The following SEPTIN9 variants were observed in gnomAD, a reference collection of about 807,000 sequenced individuals.
SEPTIN9 encodes the protein septin-9.
A neutral mutation model predicts 56.6 loss-of-function variants in SEPTIN9; 13 were observed. The ratio of observed to expected loss-of-function variants is 0.23; its 90% CI spans 0.15 to 0.37. The LOEUF is 0.37. Among genes scored for constraint, SEPTIN9 ranks in the 10% least tolerant of loss-of-function variants. The pLI is 1.00. For synonymous variants in SEPTIN9, 332 were observed against 334.1 expected, an observed-to-expected ratio of 0.99 and a Z score of 0.07; for missense variants, 650 against 823.1, an observed-to-expected ratio of 0.79 and a Z score of 2.57.
At position 77,307,147 on chromosome 17, in the gene SEPTIN9, C is replaced by T. The variant is rs754713968; in HGVS notation, c.26C>T (p.Thr9Met). 2.3e-5 allele frequency: 37 copies of T among 1,613,802 alleles called. No individual in the cohort carries two copies. The highest frequency in any genetic ancestry group is 2.4e-5 in the Non-Finnish European group (28 of 1,179,850). The part of the protein sequence containing the change: MKKSYSGG[T>M]RTSSGRLRRL... ...CCTTTGTCTCTGTCTTTAGGAGGCACGCGGACCTCCAGTGGCCGGCTCCGG... is the reference window on the plus strand; with the variant it reads ...CCTTTGTCTCTGTCTTTAGGAGGCATGCGGACCTCCAGTGGCCGGCTCCGG... Residue 9 changes from threonine to methionine, a missense_variant, in exon 2 of 12, where the codon ACG (threonine) becomes ATG (methionine). By Grantham distance (81) the Thr-to-Met change is moderately conservative (BLOSUM62 -1). Coordinates refer to ENST00000427177, the MANE Select transcript of SEPTIN9 (RefSeq NM_001113491.2).
chr17:77,312,356 G>A (rs540491377), intron 2 of SEPTIN9, among the ~76,000 whole-genome samples: 2 of 152,242 alleles, frequency 1.3e-5, no homozygotes, highest in East Asian at 1.9e-4. Flanking sequence ...TCGTGCTGCC[G>A]CCCAGCCTGG....
At chr17:77,467,441 G>A (rs1454431256) in intron 3 of SEPTIN9, among the ~76,000 whole-genome samples, 1 of 152,188 alleles carries the variant, frequency 6.6e-6, no homozygotes, top group Non-Finnish European at 1.5e-5. Flanking sequence ...CCCAGCACTG[G>A]GGTTGGGGAG....
intron 3 of SEPTIN9, among the ~76,000 whole-genome samples, chr17:77,467,255 GC>G (rs971360553): frequency 6.6e-6 from 1 of 152,200 alleles, no homozygotes; most frequent in African/African-American, 2.4e-5. Flanking sequence ...CCTCTAAGGG[GC>G]CCCCCTGCCT....
chr17:77,333,637 G>A (rs953631997), intron 2 of SEPTIN9, among the ~76,000 whole-genome samples: 1 of 152,124 alleles, frequency 6.6e-6, no homozygotes, highest in African/African-American at 2.4e-5. Context: ...TGTGTTCTTT[G>A]TAAGAAACCT....
At chr17:77,352,361 C>T (rs1045804934) in intron 2 of SEPTIN9, among the ~76,000 whole-genome samples, 48 of 152,020 alleles carry the variant, frequency 3.2e-4, no homozygotes, top group African/African-American at 1.1e-3. Context: ...GAGCCGAGAT[C>T]GCGCCATTGC....
chr17:77,493,289 C>T (rs376069510), intron 10 of SEPTIN9: 24 of 570,970 alleles, frequency 4.2e-5, no homozygotes, highest in African/African-American at 3.4e-4. Context: ...CAGACCTCCC[C>T]CCGGGCAGGG....
At position 77,482,412 on chromosome 17, in the gene SEPTIN9, G is replaced by A. The variant is rs772722286; in HGVS notation, c.913+77G>A. On this transcript the variant is annotated intron_variant, in intron 4 of 11. Transcript: ENST00000427177. ...CCCCCAGGGCGGCCCACAAGCCTTT[G>A]GGCTTGGTCTTCCCTTCTGTAAAAT... The A allele has an allele frequency of 4.9e-6, 7 of 1,440,482 alleles. No individual in the cohort carries two copies. In the African/African-American group the frequency reaches 9.8e-5, roughly 20 times the overall value. 89.2% of individuals were successfully genotyped at this position (1,440,482 alleles called of 1,614,324 possible).
chr17:77,482,797 C>A, intron 4 of SEPTIN9: 1 of 548,296 alleles, frequency 1.8e-6, no homozygotes, highest in Non-Finnish European at 3.3e-6. Context: ...TTCCACACCC[C>A]CTGGTGGCCC....
intron 2 of SEPTIN9, among the ~76,000 whole-genome samples, chr17:77,356,313 G>GT (rs1226774990): frequency 6.6e-6 from 1 of 152,116 alleles, no homozygotes; most frequent in Non-Finnish European, 1.5e-5. Flanking sequence ...GGGAGACCCG[G>GT]TGGGGACTCC....
chr17:77,429,746 G>C lies in SEPTIN9; in HGVS notation c.721+27043G>C, dbSNP rs544786290. ...TTTTCAAGTGAGCATCCTGAGCTGCGGGGACCCAGGGGGTCTTAGAGACCT... is the reference window on the plus strand; with the variant it reads ...TTTTCAAGTGAGCATCCTGAGCTGCCGGGACCCAGGGGGTCTTAGAGACCT... On this transcript the variant is annotated intron_variant, in intron 3 of 11. Coordinates refer to ENST00000427177, the MANE Select transcript of SEPTIN9 (RefSeq NM_001113491.2). The surrounding 1 kb of genome is among the most constrained non-coding windows in gnomAD (Gnocchi z 5.2). 5.3e-4 allele frequency among the ~76,000 whole-genome samples: 81 copies of C among 152,216 alleles called. No homozygotes were observed. The highest frequency in any genetic ancestry group is 4.2e-3 in the Admixed American group (64 of 15,290).
chr17:77,317,976 A>G lies in SEPTIN9; in HGVS notation c.76+10779A>G, dbSNP rs2032768730. On this transcript the variant is annotated intron_variant, in intron 2 of 11. Coordinates refer to ENST00000427177, the MANE Select transcript of SEPTIN9 (RefSeq NM_001113491.2). This position sits in a 1 kb window ranked among gnomAD's most constrained non-coding sequence, Gnocchi z 4.2. ...TGAGGCAGAAGAATTGCTTGAACCCAGGTGGCGGAGGTTGCAGTGAACTGA... is the reference window on the plus strand; with the variant it reads ...TGAGGCAGAAGAATTGCTTGAACCCGGGTGGCGGAGGTTGCAGTGAACTGA... Among the ~76,000 whole-genome samples, 1 of 152,134 alleles carries G rather than the reference A, an allele frequency of 6.6e-6. No homozygotes were observed. The highest frequency in any genetic ancestry group is 1.5e-5 in the Non-Finnish European group (1 of 68,026).
intron 2 of SEPTIN9, among the ~76,000 whole-genome samples, chr17:77,373,028 C>G (rs1568020223): frequency 1.3e-5 from 2 of 151,822 alleles, no homozygotes; most frequent in Non-Finnish European, 2.9e-5. Context: ...CGCCATGGCC[C>G]GGCCTCCACA....
chr17:77,341,999 C>T (rs1177321422), intron 2 of SEPTIN9, among the ~76,000 whole-genome samples: 3 of 150,240 alleles, frequency 2.0e-5, no homozygotes, highest in African/African-American at 7.4e-5. Flanking sequence ...AGGAGAATGG[C>T]GTGAACCCGG....
At chr17:77,466,766 G>A (rs2038753495) in intron 3 of SEPTIN9, among the ~76,000 whole-genome samples, 1 of 152,208 alleles carries the variant, frequency 6.6e-6, no homozygotes, top group South Asian at 2.1e-4. Flanking sequence ...GATTTCAGAA[G>A]GCACAACTGA....
chr17:77,414,071 A>AATTT (rs1295854500), intron 3 of SEPTIN9, among the ~76,000 whole-genome samples: 3 of 149,878 alleles, frequency 2.0e-5, no homozygotes, highest in Non-Finnish European at 4.4e-5. Flanking sequence ...ACAATCCACC[A>AATTT]ATTTATTTAT....
intron 1 of SEPTIN9, among the ~76,000 whole-genome samples, chr17:77,283,140 C>G (rs1370330821): frequency 6.6e-6 from 1 of 151,148 alleles, no homozygotes; most frequent in Non-Finnish European, 1.5e-5. Context: ...CACACACCTA[C>G]CCCACCCCTC....
rs1410920135 is a variant in SEPTIN9 at position 77,434,722 on chromosome 17, A to AG, written c.721+32021dup. ...GCACGTGAAGCAAAGGCCTGTTTGA[A>AG]GGAGCGTGTGGAAGCCTGGGTGTGA... On this transcript the variant is annotated intron_variant, in intron 3 of 11. Coordinates refer to ENST00000427177, the MANE Select transcript of SEPTIN9 (RefSeq NM_001113491.2). The surrounding 1 kb of genome is among the most constrained non-coding windows in gnomAD (Gnocchi z 5.0). 2.0e-4 allele frequency among the ~76,000 whole-genome samples: 30 copies of AG among 152,324 alleles called. No individual in the cohort carries two copies. Among genetic ancestry groups the AG allele is most frequent in the African/African-American group, 6.3e-4 (26 of 41,570 alleles).
Position 77,292,642 on chromosome 17 carries a change from C to T in SEPTIN9, c.19+11088C>T, listed in dbSNP as rs951822273. On this transcript the variant is annotated intron_variant, in intron 1 of 11. Transcript: ENST00000427177. Reference sequence around the variant, plus strand: ...CCAAGTAGCTGGGACTACAGGCGCCCGCCACCATGCCTGGCCAATTTTGGT... The same window carrying T: ...CCAAGTAGCTGGGACTACAGGCGCCTGCCACCATGCCTGGCCAATTTTGGT... 1.8e-4 allele frequency among the ~76,000 whole-genome samples: 27 copies of T among 151,968 alleles called. 1 individual carries two copies. The highest frequency in any genetic ancestry group is 3.2e-3 in the Middle Eastern group (1 of 316).
chr17:77,314,194 T>C (rs1162284619), intron 2 of SEPTIN9, among the ~76,000 whole-genome samples: 1 of 150,328 alleles, frequency 6.7e-6, no homozygotes, highest in Non-Finnish European at 1.5e-5. Flanking sequence ...TTTTTTTTTT[T>C]GAGGTGGAGT....
Sources: allele counts gnomAD v4.1 joint callset (sites outside exome capture counted in the v4.1 genomes callset), GRCh38; gene constraint gnomAD v4.1.1; non-coding constraint Gnocchi (gnomAD v3.1); transcripts MANE v1.5; gene names NCBI Gene and HGNC (gene_info 2026-07-23, HGNC 2026-07-21).